The following TRPC4 variants were observed in gnomAD, a reference collection of about 807,000 sequenced individuals.
The protein encoded by TRPC4 is transient receptor potential cation channel subfamily C member 4.
Under a neutral mutation model 99.4 loss-of-function variants are expected in TRPC4, and 49 were observed. The observed-to-expected ratio is 0.49, with a 90% CI of 0.39 to 0.63. The LOEUF (loss-of-function observed/expected upper bound fraction) is 0.63, where lower values mean the gene tolerates loss of function less well. Ranked by LOEUF, TRPC4 falls within the 20% of genes least tolerant of loss-of-function variation. The pLI, the probability that TRPC4 is intolerant of heterozygous loss-of-function variation, is 0.00. For missense variants in TRPC4, 898 were observed against 1,152.9 expected (o/e 0.78, Z 3.20); for synonymous variants, 454 against 425.9 (o/e 1.07, Z -0.81).
intron 3 of TRPC4, among the ~76,000 whole-genome samples, chr13:37,742,621 T>C (rs906193436): frequency 1.3e-5 from 2 of 152,138 alleles, no homozygotes; most frequent in African/African-American, 4.8e-5. Flanking sequence ...GAGATGACCT[T>C]TAAAGAGTGT....
At chr13:37,672,634 G>A (rs1159508636) in intron 5 of TRPC4, among the ~76,000 whole-genome samples, 1 of 152,156 alleles carries the variant, frequency 6.6e-6, no homozygotes, top group Non-Finnish European at 1.5e-5. Context: ...ACTTTTAGAA[G>A]TAGGTCTAAA....
chr13:37,649,661 A>G lies in TRPC4; in HGVS notation c.2079+1604T>C, dbSNP rs558089276. 8.6e-4 allele frequency among the ~76,000 whole-genome samples: 121 copies of G among 141,504 alleles called. 1 individual carries two copies. The highest frequency in any genetic ancestry group is 3.0e-3 in the African/African-American group (117 of 38,406). 92.8% of individuals were successfully genotyped at this position (141,504 alleles called of 152,430 possible). On this transcript the variant is annotated intron_variant, in intron 8 of 10. Transcript: ENST00000379705. ...AGGCAGGAGAATGGCGTGAACCCGG[A>G]AGGCGGAGCTTGCAGAGTCGCGATC...
chr13:37,706,706 C>G (rs1031643049), intron 3 of TRPC4, among the ~76,000 whole-genome samples: 25 of 151,362 alleles, frequency 1.7e-4, no homozygotes, highest in African/African-American at 5.1e-4. Flanking sequence ...TCAATTCCCA[C>G]CTATGAGTGA....
In TRPC4 at chr13:37,853,405, C is replaced by T. The variant is rs140236701; in HGVS notation, c.-28+16190G>A. 2.4e-3 allele frequency among the ~76,000 whole-genome samples: 362 copies of T among 152,188 alleles called. 1 individual carries two copies. Among genetic ancestry groups the T allele is most frequent in the Non-Finnish European group, 2.1e-3 (144 of 67,998 alleles). On this transcript the variant is annotated intron_variant, in intron 1 of 10. Coordinates refer to ENST00000379705, the MANE Select transcript of TRPC4 (RefSeq NM_016179.4). ...AAAAATTTCAGTGATATTGGGCTTG[C>T]GGCCCAAGTCCCTGTGAATAGCTGG...
intron 1 of TRPC4, among the ~76,000 whole-genome samples, chr13:37,823,410 A>C (rs1225389121): frequency 9.7e-5 from 14 of 144,332 alleles, no homozygotes; most frequent in Non-Finnish European, 1.7e-4. Flanking sequence ...TTTAGGTCTA[A>C]CGTTGAAGTC....
intron 3 of TRPC4, among the ~76,000 whole-genome samples, chr13:37,701,444 CT>C (rs1420582561): frequency 6.6e-6 from 1 of 152,006 alleles, no homozygotes; most frequent in Non-Finnish European, 1.5e-5. Flanking sequence ...CTCTCTCATT[CT>C]TTTTTTAAAC....
intron 1 of TRPC4, among the ~76,000 whole-genome samples, chr13:37,867,003 G>A (rs1204864843): frequency 7.0e-6 from 1 of 142,110 alleles, no homozygotes; most frequent in Non-Finnish European, 1.5e-5. Context: ...TTGAGTCTAG[G>A]CAATTCAATT....
intron 3 of TRPC4, among the ~76,000 whole-genome samples, chr13:37,713,084 A>C (rs1379870909): frequency 1.3e-5 from 2 of 152,136 alleles, no homozygotes; most frequent in Non-Finnish European, 2.9e-5. Context: ...TTGTTTTTTC[A>C]ACCAGGAATC....
intron 6 of TRPC4, among the ~76,000 whole-genome samples, chr13:37,658,371 T>C (rs1952314552): frequency 6.6e-6 from 1 of 152,218 alleles, no homozygotes; most frequent in African/African-American, 2.4e-5. Flanking sequence ...TTTATACAAT[T>C]AGCTTGTTTC....
chr13:37,867,066 A>G (rs1959806688), intron 1 of TRPC4, among the ~76,000 whole-genome samples: 1 of 151,780 alleles, frequency 6.6e-6, no homozygotes, highest in Middle Eastern at 3.2e-3. Flanking sequence ...TATGGCAATG[A>G]TGGTTTTGGA....
At chr13:37,689,642 T>C (rs948048748) in intron 4 of TRPC4, among the ~76,000 whole-genome samples, 1 of 152,190 alleles carries the variant, frequency 6.6e-6, no homozygotes, top group Non-Finnish European at 1.5e-5. Context: ...CACAAATAAA[T>C]CTATACCTCA....
At chr13:37,728,448 A>G (rs1955133462) in intron 3 of TRPC4, among the ~76,000 whole-genome samples, 1 of 152,058 alleles carries the variant, frequency 6.6e-6, no homozygotes, top group Non-Finnish European at 1.5e-5. Flanking sequence ...ATCAAAAAGT[A>G]TAAAATATGT....
intron 1 of TRPC4, among the ~76,000 whole-genome samples, chr13:37,795,143 T>G (rs1957214607): frequency 6.6e-6 from 1 of 152,176 alleles, no homozygotes; most frequent in Admixed American, 6.6e-5. Flanking sequence ...GATTTAGAAT[T>G]TCTTACTAGG....
chr13:37,648,892 T>A (rs558437927), intron 8 of TRPC4, among the ~76,000 whole-genome samples: 90 of 152,184 alleles, frequency 5.9e-4, no homozygotes, highest in Non-Finnish European at 1.0e-3. Context: ...TCTTAAAACA[T>A]CAGAGCAGGA....
At chr13:37,755,423 A>T (rs945658476) in intron 2 of TRPC4, among the ~76,000 whole-genome samples, 1 of 13,822 alleles carries the variant, frequency 7.2e-5, no homozygotes, top group African/African-American at 8.4e-5. Context: ...TACCTGGATA[A>T]TTTTTTTATT....
intron 1 of TRPC4, among the ~76,000 whole-genome samples, chr13:37,865,966 A>C (rs1415754645): frequency 6.6e-6 from 1 of 151,742 alleles, no homozygotes; most frequent in Non-Finnish European, 1.5e-5. Flanking sequence ...TTAAATTCTC[A>C]TAAATATTGG....
Position 37,638,222 on chromosome 13 carries a change from C to CTTCCTGCCCT in TRPC4, c.2212-598_2212-597insAGGGCAGGAA, listed in dbSNP as rs11271360. ...TGAATTCTCACTCTTACCCTGATGG[C>CTTCCTGCCCT]AACCTTCTTGGTGGCTTCCTGCCCC... is the stretch of plus-strand genomic sequence containing the variant. On this transcript the variant is annotated intron_variant, in intron 10 of 10. Transcript: ENST00000379705. Among the ~76,000 whole-genome samples the CTTCCTGCCCT allele has an allele frequency of 3.2e-4, 3 of 9,372 alleles. No homozygotes were observed. The East Asian group carries it at 0.048, about 151-fold the overall frequency. The allele number at this position is 9,372 out of a possible 152,430, so 6.1% of individuals were successfully genotyped here. A position where few individuals can be genotyped will look rare whatever the true frequency, so the allele number is the denominator to read the frequency against.
In TRPC4 at chr13:37,634,365, A is replaced by G. The variant is rs1277416741; in HGVS notation, c.*2538T>C. 6.6e-6 allele frequency among the ~76,000 whole-genome samples: 1 copy of G among 152,126 alleles called. No individual in the cohort carries two copies. The highest frequency in any genetic ancestry group is 2.1e-4 in the South Asian group (1 of 4,836). ...AATAGCATTCAATTCTAGTGATATTAGTAACATCGGGTACTAATAATATCC... is the reference window on the plus strand; with the variant it reads ...AATAGCATTCAATTCTAGTGATATTGGTAACATCGGGTACTAATAATATCC... On this transcript the variant is annotated 3_prime_UTR_variant, in exon 11 of 11. Transcript: ENST00000379705.
intron 8 of TRPC4, among the ~76,000 whole-genome samples, chr13:37,639,744 C>CATAT (rs59528300): frequency 0.1 from 14,869 of 146,682 alleles, 1,066 homozygotes; most frequent in African/African-American, 0.19. Flanking sequence ...ACTCTCCAAT[C>CATAT]ATATATATAT....
Sources: gnomAD v4.1 joint callset for allele counts (sites outside exome capture counted in the v4.1 genomes callset) on GRCh38, gnomAD v4.1.1 for gene constraint, MANE v1.5 for transcripts, NCBI Gene and HGNC (gene_info 2026-07-23, HGNC 2026-07-21) for gene names.